Variants in TBCD observed in about 807,000 individuals in gnomAD.
TBCD encodes tubulin folding cofactor D.
TBCD carries 105 observed loss-of-function variants against 169.3 expected under a neutral mutation model. That is an observed-to-expected ratio of 0.62 (90% CI 0.53 to 0.73). The LOEUF (loss-of-function observed/expected upper bound fraction) is 0.73. Among genes scored for constraint, TBCD ranks in the 30% least tolerant of loss-of-function variants. The probability of loss-of-function intolerance (pLI) is 0.00; values close to 1 mark genes in which losing one functional copy is unlikely to be tolerated. For missense variants in TBCD, 1,444 were observed against 1,600.1 expected (o/e 0.90, Z 1.66); for synonymous variants, 700 against 643.9 (o/e 1.09, Z -1.32).
chr17:82,870,672 G>A (rs1341472340), intron 14 of TBCD, among the ~76,000 whole-genome samples: 4 of 152,328 alleles, frequency 2.6e-5, no homozygotes, highest in Middle Eastern at 6.8e-3. Context: ...GGAACATTCC[G>A]GAGGTCTTGG....
intron 17 of TBCD, among the ~76,000 whole-genome samples, chr17:82,897,624 G>A (rs1005512335): frequency 2.6e-5 from 4 of 152,268 alleles, no homozygotes; most frequent in South Asian, 2.1e-4. Flanking sequence ...GTGTGGCAGC[G>A]GGTTTGGCAG....
chr17:82,885,791 C>T (rs534349128), intron 15 of TBCD, among the ~76,000 whole-genome samples: 1 of 152,186 alleles, frequency 6.6e-6, no homozygotes, highest in South Asian at 2.1e-4. Flanking sequence ...TTTAAATTGG[C>T]AATAAATCTT....
chr17:82,795,618 G>A (rs1020919687), intron 7 of TBCD: 19 of 985,240 alleles, frequency 1.9e-5, no homozygotes, highest in Non-Finnish European at 2.3e-5. Flanking sequence ...GATTTCAGCC[G>A]CTCGCAGGTT....
At chr17:82,921,149 A>G in intron 24 of TBCD, 2 of 346,778 alleles carry the variant, frequency 5.8e-6, no homozygotes, top group South Asian at 8.7e-5. Context: ...CTTGTGCAGG[A>G]TCTAATTGAG....
chr17:82,790,751 C>G (rs2049659695), intron 7 of TBCD, among the ~76,000 whole-genome samples: 1 of 152,086 alleles, frequency 6.6e-6, no homozygotes. Context: ...CTGCTTTTTT[C>G]TCTTCCACAT....
chr17:82,930,578 G>A lies in TBCD; in HGVS notation c.3048G>A (p.Pro1016=), dbSNP rs763710805. Residue 1016 remains proline (P), a synonymous_variant, in exon 33 of 39, where the codon CCG becomes CCA. Transcript: ENST00000355528. This position sits in a 1 kb window ranked among gnomAD's most constrained non-coding sequence, Gnocchi z 5.2. ...ACATGAAGGGCATTCAGAGCGACCC[G>A]CAGGCCCTGGGCAGCTTCAGCGGGA... is the stretch of plus-strand genomic sequence containing the variant. ...FEYMKGIQSD[P]QALGSFSGTL... 14 of 1,613,728 alleles carry A rather than the reference G, an allele frequency of 8.7e-6. No individual in the cohort carries two copies. Among genetic ancestry groups the A allele is most frequent in the Admixed American group, 1.7e-5 (1 of 59,984 alleles).
In TBCD at chr17:82,806,068, T is replaced by C. The variant is rs1174323911; in HGVS notation, c.1087+57T>C. The stretch of plus-strand genomic sequence containing the variant: ...TTGGGCACCGTCGGGCCAATTCCCC[T>C]CTACTCCAGGACCACACTTCCTTCT... On this transcript the variant is annotated intron_variant, in intron 10 of 38. Transcript: ENST00000355528. The surrounding 1 kb of genome is among the most constrained non-coding windows in gnomAD (Gnocchi z 5.1). 1.9e-6 allele frequency: 3 copies of C among 1,590,302 alleles called. No individual in the cohort carries two copies. Among genetic ancestry groups the C allele is most frequent in the African/African-American group, 1.3e-5 (1 of 74,570 alleles).
chr17:82,773,707 G>A (rs974428383), intron 6 of TBCD, among the ~76,000 whole-genome samples: 3 of 151,942 alleles, frequency 2.0e-5, no homozygotes. Context: ...CCTGGTGCGA[G>A]AGTGTCTTTT....
chr17:82,808,198 G>A (rs532878333), intron 11 of TBCD, among the ~76,000 whole-genome samples: 10 of 152,316 alleles, frequency 6.6e-5, no homozygotes, highest in South Asian at 2.1e-4. Context: ...TGGAGGAGCC[G>A]GTGGCCCTGT....
chr17:82,798,572 C>G (rs920299920), intron 8 of TBCD, among the ~76,000 whole-genome samples: 3 of 151,834 alleles, frequency 2.0e-5, no homozygotes, highest in Admixed American at 6.6e-5. Flanking sequence ...AATAACTGGA[C>G]TTTTTGTCAC....
chr17:82,792,500 T>C (rs1005195341), intron 7 of TBCD, among the ~76,000 whole-genome samples: 1 of 152,190 alleles, frequency 6.6e-6, no homozygotes, highest in African/African-American at 2.4e-5. Context: ...AACAGATTGA[T>C]AAATTAGGTG....
At chr17:82,853,042 G>A (rs562081514) in intron 13 of TBCD, among the ~76,000 whole-genome samples, 1 of 152,284 alleles carries the variant, frequency 6.6e-6, no homozygotes, top group South Asian at 2.1e-4. Flanking sequence ...TGCCCGATGT[G>A]AATGTGGCTA....
chr17:82,812,697 C>G lies in TBCD; in HGVS notation c.1224-2143C>G, dbSNP rs916844984. Reference sequence around the variant, plus strand: ...TAGCTGGGACTACAGGCGTGCACCACCACGCTTGGCTAATTTTTTGTATTT... The same window carrying G: ...TAGCTGGGACTACAGGCGTGCACCAGCACGCTTGGCTAATTTTTTGTATTT... On this transcript the variant is annotated intron_variant, in intron 12 of 38. Coordinates refer to ENST00000355528, the MANE Select transcript of TBCD (RefSeq NM_005993.5). Among the ~76,000 whole-genome samples, 62 of 152,238 alleles carry G rather than the reference C, an allele frequency of 4.1e-4. 1 individual carries two copies. Among genetic ancestry groups the G allele is most frequent in the Non-Finnish European group, 4.8e-4 (33 of 68,050 alleles).
chr17:82,846,020 C>T (rs932810704), intron 13 of TBCD, among the ~76,000 whole-genome samples: 1 of 152,258 alleles, frequency 6.6e-6, no homozygotes, highest in African/African-American at 2.4e-5. Flanking sequence ...CAGCAACATT[C>T]TATCCCCCGA....
chr17:82,857,746 GTT>G (rs11388114), intron 13 of TBCD, among the ~76,000 whole-genome samples: 1 of 132,522 alleles, frequency 7.5e-6, no homozygotes. Flanking sequence ...GTGTCTCATG[GTT>G]TTTTTTTTTT....
intron 36 of TBCD, among the ~76,000 whole-genome samples, chr17:82,938,662 G>A (rs920465503): frequency 2.0e-5 from 3 of 152,226 alleles, no homozygotes; most frequent in African/African-American, 4.8e-5. Flanking sequence ...CTGTGCTGCC[G>A]ACTCAGCACC....
Position 82,831,146 on chromosome 17 carries a change from C to T in TBCD, c.1318+16212C>T, listed in dbSNP as rs752739981. 15 of 1,613,964 alleles carry T rather than the reference C, an allele frequency of 9.3e-6. No homozygotes were observed. In the African/African-American group the frequency reaches 1.9e-4, roughly 20 times the overall value. On this transcript the variant is annotated intron_variant, in intron 13 of 38. Transcript: ENST00000355528. This position sits in a 1 kb window ranked among gnomAD's most constrained non-coding sequence, Gnocchi z 4.6. ...AGTCTTCCCAGTGCGCTGGAGGCTGCCTTGTTGGAGAGGTCGTACAGGCCT... is the reference window on the plus strand; with the variant it reads ...AGTCTTCCCAGTGCGCTGGAGGCTGTCTTGTTGGAGAGGTCGTACAGGCCT...
In TBCD at chr17:82,814,855, C is replaced by T; in HGVS notation, c.1239C>T (p.Asp413=). 3 of 1,613,862 alleles carry T rather than the reference C, an allele frequency of 1.9e-6. No homozygotes were observed. Among genetic ancestry groups the T allele is most frequent in the Non-Finnish European group, 2.5e-6 (3 of 1,179,856 alleles). ...TTGCTCTCAGTTTCCAGGAGACTGA[C>T]AAGGCGTGGCATGGGGGATGTCTGG... ...VLDCFSFQET[D]KAWHGGCLAL... is the part of the protein sequence containing the mutation. The change falls in exon 13 of 39, where the codon GAC becomes GAT. Residue 413 remains aspartate (D), a synonymous_variant. Transcript: ENST00000355528.
intron 23 of TBCD, among the ~76,000 whole-genome samples, chr17:82,912,273 C>T (rs980396517): frequency 2.0e-5 from 3 of 152,232 alleles, no homozygotes; most frequent in African/African-American, 4.8e-5. Context: ...GCTCCTTACA[C>T]ACCCGAGTCC....
Sources: allele counts gnomAD v4.1 joint callset (sites outside exome capture counted in the v4.1 genomes callset), GRCh38; gene constraint gnomAD v4.1.1; non-coding constraint Gnocchi (gnomAD v3.1); transcripts MANE v1.5; gene names NCBI Gene and HGNC (gene_info 2026-07-23, HGNC 2026-07-21).